The following PDGFD variants were observed in gnomAD, a reference collection of about 807,000 sequenced individuals.
PDGFD encodes platelet derived growth factor D.
A neutral mutation model predicts 44.7 loss-of-function variants in PDGFD; 30 were observed. That is an observed-to-expected ratio of 0.67 (90% CI 0.50 to 0.91). PDGFD has a LOEUF of 0.91. PDGFD is among the 40% of genes least tolerant of loss of function. PDGFD has a pLI of 0.00. For synonymous variants in PDGFD, 173 were observed against 168.4 expected (o/e 1.03, Z -0.21); for missense variants, 445 against 457.8 (o/e 0.97, Z 0.25).
rs1857995803 is a variant in PDGFD, at chr11:103,909,578, T to G, written c.*116A>C. The G allele has an allele frequency of 1.5e-6, 2 of 1,331,910 alleles. No homozygotes were observed. The highest frequency in any genetic ancestry group is 2.1e-6 in the Non-Finnish European group (2 of 947,320). 82.5% of individuals were successfully genotyped at this position (1,331,910 alleles called of 1,614,324 possible). ...GGCTGAGACTCAGCAACCACTTGTG[T>G]TCATTGCATTGCAGGCTAGTAGTAA... On this transcript the variant is annotated 3_prime_UTR_variant, in exon 7 of 7. Coordinates refer to ENST00000393158, the MANE Select transcript of PDGFD (RefSeq NM_025208.5).
chr11:103,958,860 C>G (rs1025176601), intron 3 of PDGFD, among the ~76,000 whole-genome samples: 1 of 152,074 alleles, frequency 6.6e-6, no homozygotes, highest in Middle Eastern at 3.2e-3. Flanking sequence ...AAGATTAAGG[C>G]CATGTCACCA....
chr11:104,104,510 T>A (rs763151573), intron 1 of PDGFD, among the ~76,000 whole-genome samples: 1 of 152,096 alleles, frequency 6.6e-6, no homozygotes, highest in Non-Finnish European at 1.5e-5. Context: ...ATTATACCTC[T>A]CCTATGTTTA....
chr11:103,969,661 A>G (rs1022992359), intron 3 of PDGFD, among the ~76,000 whole-genome samples: 1 of 151,820 alleles, frequency 6.6e-6, no homozygotes, highest in African/African-American at 2.4e-5. Context: ...ATTAAAATTC[A>G]AGATATTGCA....
At chr11:103,976,757 G>A (rs551467288) in intron 3 of PDGFD, among the ~76,000 whole-genome samples, 1 of 152,168 alleles carries the variant, frequency 6.6e-6, no homozygotes, top group South Asian at 2.1e-4. Context: ...TTTTTAGCAT[G>A]ATGGGCTGAA....
At chr11:104,156,073 G>T (rs1366384247) in intron 1 of PDGFD, among the ~76,000 whole-genome samples, 1 of 152,164 alleles carries the variant, frequency 6.6e-6, no homozygotes, top group Non-Finnish European at 1.5e-5. Flanking sequence ...CACAAAAAAG[G>T]TAAGTATGTG....
chr11:103,970,083 C>A (rs565722055), intron 3 of PDGFD, among the ~76,000 whole-genome samples: 44 of 152,126 alleles, frequency 2.9e-4, no homozygotes, highest in African/African-American at 1.0e-3. Flanking sequence ...ACTTTAATAA[C>A]TTGTGCAATG....
intron 1 of PDGFD, among the ~76,000 whole-genome samples, chr11:104,116,749 C>A (rs1219546167): frequency 6.6e-6 from 1 of 151,724 alleles, no homozygotes; most frequent in Admixed American, 6.6e-5. Context: ...TGGGAGGGAC[C>A]CAGGGGGAGG....
At chr11:104,035,066 G>A (rs1158413713) in intron 1 of PDGFD, among the ~76,000 whole-genome samples, 1 of 152,162 alleles carries the variant, frequency 6.6e-6, no homozygotes, top group East Asian at 1.9e-4. Context: ...AAGTGGGGGT[G>A]GGGGAGAGTA....
At chr11:103,994,974 G>A (rs1417512009) in intron 3 of PDGFD, among the ~76,000 whole-genome samples, 1 of 151,258 alleles carries the variant, frequency 6.6e-6, no homozygotes, top group Admixed American at 6.6e-5. Flanking sequence ...CAAACTCCTG[G>A]GCTCAACAAT....
At chr11:103,980,654 G>T (rs1192396463) in intron 3 of PDGFD, among the ~76,000 whole-genome samples, 3 of 152,020 alleles carry the variant, frequency 2.0e-5, no homozygotes, top group African/African-American at 7.2e-5. Flanking sequence ...GTTGTGGACT[G>T]AATATTTGTG....
Position 104,163,867 on chromosome 11 carries a change from T to G in PDGFD, c.61A>C (p.Thr21Pro), listed in dbSNP as rs1862426343. The change falls in exon 1 of 7, where the codon ACT becomes CCT. Residue 21 changes from threonine to proline, a missense_variant. By Grantham distance (38) the Thr-to-Pro change is conservative. Transcript: ENST00000393158. ...ICANFCSCRD[T>P]SATPQSASIK... ...GATGCGCTCTGCGGGGTTGCAGAAG[T>G]GTCCCGACAGCTGCAAAAGTTTGCG... is the stretch of plus-strand genomic sequence containing the variant. 6.3e-7 allele frequency: 1 copy of G among 1,579,196 alleles called. No homozygotes were observed. Among genetic ancestry groups the G allele is most frequent in the Non-Finnish European group, 8.7e-7 (1 of 1,154,230 alleles).
At chr11:104,144,231 A>C (rs924087456) in intron 1 of PDGFD, among the ~76,000 whole-genome samples, 1 of 152,172 alleles carries the variant, frequency 6.6e-6, no homozygotes, top group African/African-American at 2.4e-5. Context: ...ATGCTGAAAC[A>C]ATTACAGCCA....
At chr11:104,088,199 T>C (rs1006687116) in intron 1 of PDGFD, among the ~76,000 whole-genome samples, 2 of 152,250 alleles carry the variant, frequency 1.3e-5, no homozygotes, top group African/African-American at 4.8e-5. Flanking sequence ...GCACAAGCCC[T>C]TGTGTATGGT....
chr11:104,099,039 C>T (rs1026874973), intron 1 of PDGFD, among the ~76,000 whole-genome samples: 1 of 152,170 alleles, frequency 6.6e-6, no homozygotes, highest in Non-Finnish European at 1.5e-5. Flanking sequence ...CTAACATTCA[C>T]TGACTGCTTT....
At chr11:103,974,086 G>A (rs1859145308) in intron 3 of PDGFD, among the ~76,000 whole-genome samples, 1 of 152,092 alleles carries the variant, frequency 6.6e-6, no homozygotes, top group African/African-American at 2.4e-5. Context: ...AGAAATTATG[G>A]TGGTCATATC....
Position 104,148,649 on chromosome 11 carries a change from C to T in PDGFD, c.124+15155G>A, listed in dbSNP as rs1831405617. ...AGTTCAGGTTTGTTACACAGGTAAACTTGTGTCATGGGGGTTTGTTGTACA... is the reference window on the plus strand; with the variant it reads ...AGTTCAGGTTTGTTACACAGGTAAATTTGTGTCATGGGGGTTTGTTGTACA... On this transcript the variant is annotated intron_variant, in intron 1 of 6. Transcript: ENST00000393158. Among the ~76,000 whole-genome samples, 3 of 151,980 alleles carry T rather than the reference C, an allele frequency of 2.0e-5. No homozygotes were observed. The South Asian group carries it at 6.2e-4, about 32-fold the overall frequency.
chr11:103,944,587 A>G (rs1858641771), intron 4 of PDGFD, among the ~76,000 whole-genome samples: 1 of 152,220 alleles, frequency 6.6e-6, no homozygotes. Flanking sequence ...AATATCTCCT[A>G]TCACTAAGGG....
chr11:104,118,784 TTA>T (rs1335107912), intron 1 of PDGFD, among the ~76,000 whole-genome samples: 2 of 72,412 alleles, frequency 2.8e-5, no homozygotes, highest in East Asian at 6.2e-4. Flanking sequence ...ATATAATATA[TTA>T]TATATTATAA....
chr11:104,151,000 G>C (rs76611714), intron 1 of PDGFD, among the ~76,000 whole-genome samples: 1,618 of 152,206 alleles, frequency 0.011, 39 homozygotes, highest in African/African-American at 0.037. Context: ...ATTAAAAATG[G>C]TCATTTTATA....
Sources: gnomAD v4.1 joint callset for allele counts (sites outside exome capture counted in the v4.1 genomes callset) on GRCh38, gnomAD v4.1.1 for gene constraint, MANE v1.5 for transcripts, NCBI Gene and HGNC (gene_info 2026-07-23, HGNC 2026-07-21) for gene names.